The following TFRC variants were observed in gnomAD, a reference collection of about 807,000 sequenced individuals.
TFRC encodes the protein transferrin receptor, also known as transferrin receptor protein 1.
In TFRC, 35 loss-of-function variants were observed where a neutral mutation model predicts 85.8. That is an observed-to-expected ratio of 0.41 (90% CI 0.31 to 0.54). The LOEUF (loss-of-function observed/expected upper bound fraction) is 0.54, where lower values mean the gene tolerates loss of function less well. Among genes scored for constraint, TFRC ranks in the 20% least tolerant of loss-of-function variants. The pLI, the probability that TFRC is intolerant of heterozygous loss-of-function variation, is 0.31. For synonymous variants in TFRC, 362 were observed against 328.6 expected, an observed-to-expected ratio of 1.10 and a Z score of -1.10; for missense variants, 828 against 921.5, an observed-to-expected ratio of 0.90 and a Z score of 1.31.
chr3:196,051,506 GAGA>G lies in TFRC; in HGVS notation c.*433_*435del. 1 of 227,300 alleles carries G rather than the reference GAGA, an allele frequency of 4.4e-6. No individual in the cohort carries two copies. 14.1% of individuals were successfully genotyped at this position (227,300 alleles called of 1,614,324 possible). ...TATGGAAAGGCTTAGATCTCATTTG[GAGA>G]AGGTCTTTCAACCTGGTATCTCCTA... On this transcript the variant is annotated 3_prime_UTR_variant, in exon 19 of 19. Transcript: ENST00000360110.
Position 196,077,065 on chromosome 3 carries a change from AAGTTAGAGAAT to A in TFRC, c.24_34del (p.Phe9ValfsTer21), listed in dbSNP as rs1718762481. The A allele has an allele frequency of 6.2e-7, 1 of 1,613,624 alleles. No homozygotes were observed. The highest frequency in any genetic ancestry group is 1.3e-5 in the African/African-American group (1 of 74,928). On this transcript the variant is annotated frameshift_variant and splice_region_variant, in exon 2 of 19. Transcript: ENST00000360110. LOFTEE classifies it high-confidence loss of function. ...GAAATACAACTGAAAATATCTTACC[AAGTTAGAGAAT>A]GCTGATCTAGCTTGATCCATCATTC...
chr3:196,062,878 C>T lies in TFRC; in HGVS notation c.1380G>A (p.Ser460=), dbSNP rs370019678. 1.4e-5 allele frequency: 22 copies of T among 1,613,994 alleles called. No homozygotes were observed. The highest frequency in any genetic ancestry group is 1.3e-4 in the African/African-American group (10 of 74,912). The change falls in exon 12 of 19, where the codon TCG becomes TCA. Residue 460 remains serine (S), a synonymous_variant. Coordinates refer to ENST00000360110, the MANE Select transcript of TFRC (RefSeq NM_001128148.3). ...CCTCTAGCCATTCAGTGGCACCAAC[C>T]GATCCAAAGTCTCCAGCACTCCAAC... The part of the protein sequence containing the change: ...FASWSAGDFG[S]VGATEWLEGY...
At position 196,049,528 on chromosome 3, in the gene TFRC, C is replaced by T. The variant is rs1456383904; in HGVS notation, c.*2414G>A. The T allele has an allele frequency of 4.5e-6, 1 of 220,412 alleles. No individual in the cohort carries two copies. The highest frequency in any genetic ancestry group is 9.1e-6 in the Non-Finnish European group (1 of 110,088). 13.7% of individuals were successfully genotyped at this position (220,412 alleles called of 1,614,324 possible). A position where few individuals can be genotyped will look rare whatever the true frequency, so the allele number is the denominator to read the frequency against. ...CCTTAACGAGAAGACATCTCAAGAC[C>T]AGGAGCTTGTCACTAGTCTGATATT... On this transcript the variant is annotated 3_prime_UTR_variant, in exon 19 of 19. Transcript: ENST00000360110.
At chr3:196,069,082 T>C (rs1183239478) in intron 7 of TFRC, among the ~76,000 whole-genome samples, 1 of 152,086 alleles carries the variant, frequency 6.6e-6, no homozygotes, top group Non-Finnish European at 1.5e-5. Context: ...TCCTAAAGTG[T>C]TGGGATTACA....
intron 16 of TFRC, among the ~76,000 whole-genome samples, chr3:196,056,514 C>T (rs1352294310): frequency 1.3e-5 from 2 of 152,176 alleles, no homozygotes; most frequent in African/African-American, 4.8e-5. Context: ...ATTCTTCCAC[C>T]TCAGCCTCCT....
chr3:196,077,061 T>C lies in TFRC; in HGVS notation c.36+3A>G, dbSNP rs1718761733. On this transcript the variant is annotated splice_donor_region_variant and intron_variant, in intron 2 of 18. Coordinates refer to ENST00000360110, the MANE Select transcript of TFRC (RefSeq NM_001128148.3). ...CACAGAAATACAACTGAAAATATCTTACCAAGTTAGAGAATGCTGATCTAG... is the reference window on the plus strand; with the variant it reads ...CACAGAAATACAACTGAAAATATCTCACCAAGTTAGAGAATGCTGATCTAG... The C allele has an allele frequency of 9.3e-6, 15 of 1,613,530 alleles. No homozygotes were observed. The highest frequency in any genetic ancestry group is 1.3e-5 in the African/African-American group (1 of 74,928).
At chr3:196,060,336 A>C in intron 13 of TFRC, 89 bp from the exon 14 acceptor site, 1 of 1,137,466 alleles carries the variant, frequency 8.8e-7, no homozygotes, top group South Asian at 1.3e-5. Context: ...TTGACAAATA[A>C]GACAGTAATC....
intron 6 of TFRC, among the ~76,000 whole-genome samples, chr3:196,070,446 A>G (rs1718095277): frequency 1.3e-5 from 2 of 151,844 alleles, no homozygotes; most frequent in Non-Finnish European, 2.9e-5. Flanking sequence ...TGTATTTTTA[A>G]TAGAGTTCAC....
Position 196,065,612 on chromosome 3 carries a change from A to G in TFRC, c.1041-12T>C, listed in dbSNP as rs1157798918. ...CTCCTTCCATATTCCTAGAATCAGAAAGCAGGCGTAAGTTCTGAGTTATTG... is the reference window on the plus strand; with the variant it reads ...CTCCTTCCATATTCCTAGAATCAGAGAGCAGGCGTAAGTTCTGAGTTATTG... On this transcript the variant is annotated splice_polypyrimidine_tract_variant and intron_variant, in intron 9 of 18. Transcript: ENST00000360110. The G allele has an allele frequency of 1.3e-6, 2 of 1,591,928 alleles. No individual in the cohort carries two copies. The highest frequency in any genetic ancestry group is 2.7e-5 in the African/African-American group (2 of 73,862).
chr3:196,055,632 G>T (rs1484039027), intron 16 of TFRC: 9 of 354,040 alleles, frequency 2.5e-5, no homozygotes, highest in Non-Finnish European at 4.8e-5. Flanking sequence ...CTTTATCAAT[G>T]AAAAAAGAGA....
rs1213105471 is a variant in TFRC, at chr3:196,077,096, T to A, written c.4A>T (p.Met2Leu). 3 of 1,613,646 alleles carry A rather than the reference T, an allele frequency of 1.9e-6. No individual in the cohort carries two copies. The highest frequency in any genetic ancestry group is 2.5e-6 in the Non-Finnish European group (3 of 1,179,794). M[M>L]DQARSAFSNL... is the part of the protein sequence containing the mutation. ...GAGAATGCTGATCTAGCTTGATCCA[T>A]CATTCTGAACTGCCACACAGAAGAA... is the stretch of plus-strand genomic sequence containing the variant. Residue 2 changes from methionine (M) to leucine (L), a missense_variant, in exon 2 of 19, where the codon ATG (methionine) becomes TTG (leucine). Met to Leu is a conservative substitution (Grantham distance 15). Transcript: ENST00000360110.
intron 4 of TFRC, among the ~76,000 whole-genome samples, 171 bp from the exon 5 acceptor site, chr3:196,072,323 T>C (rs1006381841): frequency 2.0e-5 from 3 of 151,996 alleles, no homozygotes; most frequent in African/African-American, 7.2e-5. Flanking sequence ...AGAAAAAAAA[T>C]TTTGCCCCAA....
At chr3:196,064,213 C>A (rs1398211799) in intron 11 of TFRC, 96 bp downstream of exon 11, 1 of 1,317,804 alleles carries the variant, frequency 7.6e-7, no homozygotes, top group Non-Finnish European at 1.0e-6. Flanking sequence ...AGCATGAGAA[C>A]CACAGGAATG....
At chr3:196,062,291 C>A in intron 13 of TFRC, 1 of 354,378 alleles carries the variant, frequency 2.8e-6, no homozygotes. Context: ...ATCTGTAATC[C>A]CAGGCCGAGG....
intron 4 of TFRC, among the ~76,000 whole-genome samples, chr3:196,073,288 C>G (rs1184166245): frequency 7.3e-6 from 1 of 137,538 alleles, no homozygotes; most frequent in African/African-American, 2.7e-5. Context: ...GACTCCATCT[C>G]TTAAAAAAAA....
At chr3:196,075,016 A>C in intron 3 of TFRC, 143 bp downstream of exon 3, 17 of 750,852 alleles carry the variant, frequency 2.3e-5, no homozygotes, top group Non-Finnish European at 3.1e-5. Context: ...ACTGCACTCT[A>C]GCCTAGGCAA....
At chr3:196,081,571 ACGCCGCG>A (rs1719180350) in intron 1 of TFRC, among the ~76,000 whole-genome samples, 1 of 152,054 alleles carries the variant, frequency 6.6e-6, no homozygotes, top group Non-Finnish European at 1.5e-5. Flanking sequence ...CCGGCGCCGC[ACGCCGCG>A]CAGCTGCACC....
At chr3:196,061,160 A>G (rs1423454061) in intron 13 of TFRC, among the ~76,000 whole-genome samples, 1 of 152,190 alleles carries the variant, frequency 6.6e-6, no homozygotes, top group African/African-American at 2.4e-5. Flanking sequence ...CACTTTAAAT[A>G]ACATTCAAAC....
Position 196,071,420 on chromosome 3 carries a change from C to T in TFRC, c.663G>A (p.Ala221=), listed in dbSNP as rs142709816. The T allele has an allele frequency of 2.2e-4, 355 of 1,614,016 alleles. No homozygotes were observed. Among genetic ancestry groups the T allele is most frequent in the Admixed American group, 8.3e-4 (50 of 60,008 alleles). The change falls in exon 6 of 19, where the codon GCG becomes GCA. Residue 221 remains alanine, a synonymous_variant. Transcript: ENST00000360110. Reference sequence around the variant, plus strand: ...CAGTAACTGTTGCAGCCTTACTATACGCCACATAACCCCCAGGATTCTCCA... The same window carrying T: ...CAGTAACTGTTGCAGCCTTACTATATGCCACATAACCCCCAGGATTCTCCA... ...YLVENPGGYV[A]YSKAATVTGK...
Sources: allele counts gnomAD v4.1 joint callset (sites outside exome capture counted in the v4.1 genomes callset), GRCh38; gene constraint gnomAD v4.1.1; transcripts MANE v1.5; gene names NCBI Gene and HGNC (gene_info 2026-07-23, HGNC 2026-07-21).